Variants in OR8G5 observed in about 807,000 individuals in gnomAD.
The protein encoded by OR8G5 is olfactory receptor 8G5.
For missense variants in OR8G5, 347 were observed against 371.9 expected, an observed-to-expected ratio of 0.93 and a Z score of 0.55; for synonymous variants, 147 against 147.7, an observed-to-expected ratio of 1.00 and a Z score of 0.03.
chr11:124,257,562 G>A (rs1244798960), intron 1 of OR8G5, among the ~76,000 whole-genome samples: 4 of 152,122 alleles, frequency 2.6e-5, no homozygotes, highest in Admixed American at 1.3e-4. Flanking sequence ...GGGTGGAAAT[G>A]CATGGGGACA....
intron 1 of OR8G5, among the ~76,000 whole-genome samples, chr11:124,259,633 G>T (rs1861947992): frequency 1.3e-5 from 2 of 152,006 alleles, no homozygotes; most frequent in Admixed American, 6.6e-5. Context: ...TTATAATCAT[G>T]TTTACATTTT....
In OR8G5 at chr11:124,265,301, G is replaced by T; in HGVS notation, c.370G>T (p.Val124Leu). The T allele has an allele frequency of 6.2e-7, 1 of 1,613,976 alleles. No homozygotes were observed. The highest frequency in any genetic ancestry group is 8.5e-7 in the Non-Finnish European group (1 of 1,179,886). ...MLAAMAYDGY[V>L]AICSPLLYSI... ...GGCTGCAATGGCATATGACGGCTAC[G>T]TGGCCATCTGTAGCCCCTTGCTGTA... The change falls in exon 2 of 2, where the codon GTG becomes TTG. Residue 124 changes from valine to leucine, a missense_variant. Coordinates refer to ENST00000641992, the MANE Select transcript of OR8G5 (RefSeq NM_001005198.2).
In OR8G5 at chr11:124,265,586, ATCT is replaced by A. The variant is rs1862020888; in HGVS notation, c.658_660del (p.Phe220del). 2 of 1,613,856 alleles carry A rather than the reference ATCT, an allele frequency of 1.2e-6. No individual in the cohort carries two copies. The highest frequency in any genetic ancestry group is 8.5e-7 in the Non-Finnish European group (1 of 1,179,842). On this transcript the variant is annotated inframe_deletion, in exon 2 of 2. Transcript: ENST00000641992. ...CAGCCTGACCATCCTCAGCTCTTAC[ATCT>A]TCATCATTGCCAGCATCCTCCGCAT... is the stretch of plus-strand genomic sequence containing the variant.
At chr11:124,257,096 A>G (rs1329229638) in intron 1 of OR8G5, among the ~76,000 whole-genome samples, 1 of 152,240 alleles carries the variant, frequency 6.6e-6, no homozygotes, top group African/African-American at 2.4e-5. Context: ...CAGGAACTGA[A>G]TGAAGCCAAA....
At position 124,265,553 on chromosome 11, in the gene OR8G5, C is replaced by G; in HGVS notation, c.622C>G (p.Leu208Val). 6.2e-7 allele frequency: 1 copy of G among 1,613,892 alleles called. No individual in the cohort carries two copies. ...LILIFSGINI[L>V]VPSLTILSSY... ...TTTAATCTTTAGTGGAATTAACATC[C>G]TTGTCCCCAGCCTGACCATCCTCAG... Residue 208 changes from leucine (L) to valine (V), a missense_variant, in exon 2 of 2, where the codon CTT becomes GTT. Coordinates refer to ENST00000641992, the MANE Select transcript of OR8G5 (RefSeq NM_001005198.2).
At chr11:124,263,812 T>C (rs1044111400) in intron 1 of OR8G5, among the ~76,000 whole-genome samples, 3 of 152,158 alleles carry the variant, frequency 2.0e-5, no homozygotes, top group African/African-American at 4.8e-5. Context: ...TTTTCTAAAT[T>C]TTGTATTTTT....
rs571144712 is a variant in OR8G5, at chr11:124,262,364, T to C, written c.-14-2554T>C. Among the ~76,000 whole-genome samples, 3 of 150,606 alleles carry C rather than the reference T, an allele frequency of 2.0e-5. No homozygotes were observed. In the South Asian group the frequency reaches 6.4e-4, roughly 32 times the overall value. On this transcript the variant is annotated intron_variant, in intron 1 of 1. Coordinates refer to ENST00000641992, the MANE Select transcript of OR8G5 (RefSeq NM_001005198.2). ...GTTAATTATTATGAAAAACATAATG[T>C]AAAATGTTTCATAATTTGTAAAGTA...
rs1410474225 is a variant in OR8G5 at position 124,265,040 on chromosome 11, G to A, written c.109G>A (p.Val37Ile). 3 of 1,614,086 alleles carry A rather than the reference G, an allele frequency of 1.9e-6. No homozygotes were observed. Among genetic ancestry groups the A allele is most frequent in the East Asian group, 4.5e-5 (2 of 44,870 alleles). Residue 37 changes from valine to isoleucine, a missense_variant, in exon 2 of 2, where the codon GTC (valine) becomes ATC (isoleucine). Coordinates refer to ENST00000641992, the MANE Select transcript of OR8G5 (RefSeq NM_001005198.2). ...LFLVFLGIYV[V>I]TVLGNLGMIT... ...CCTCGTCTTCCTGGGAATCTATGTAGTCACAGTGCTGGGGAACCTGGGCAT... is the reference window on the plus strand; with the variant it reads ...CCTCGTCTTCCTGGGAATCTATGTAATCACAGTGCTGGGGAACCTGGGCAT...
intron 1 of OR8G5, among the ~76,000 whole-genome samples, chr11:124,262,595 G>A (rs1861982459): frequency 6.6e-6 from 1 of 151,818 alleles, no homozygotes; most frequent in African/African-American, 2.4e-5. Flanking sequence ...ATGTTTTTGA[G>A]ATCCATGTTA....
At chr11:124,258,552 G>A (rs1861934043) in intron 1 of OR8G5, among the ~76,000 whole-genome samples, 1 of 151,638 alleles carries the variant, frequency 6.6e-6, no homozygotes, top group Non-Finnish European at 1.5e-5. Flanking sequence ...GAGCGAGCGA[G>A]ACTCCATCTC....
chr11:124,258,590 T>A (rs4935874), intron 1 of OR8G5, among the ~76,000 whole-genome samples: 55,688 of 150,094 alleles, frequency 0.37, 10,469 homozygotes, highest in East Asian at 0.47. Flanking sequence ...ATAATAATAA[T>A]AAAAAAGACA....
At chr11:124,264,594 T>C (rs1351076915) in intron 1 of OR8G5, among the ~76,000 whole-genome samples, 2 of 152,210 alleles carry the variant, frequency 1.3e-5, no homozygotes, top group Non-Finnish European at 2.9e-5. Flanking sequence ...CACTCAGCCA[T>C]TTTTACTTAT....
rs557257231 is a variant in OR8G5, at chr11:124,262,921, C to A, written c.-14-1997C>A. Among the ~76,000 whole-genome samples the A allele has an allele frequency of 6.6e-5, 10 of 152,232 alleles. No individual in the cohort carries two copies. The South Asian group carries it at 1.9e-3, about 28-fold the overall frequency. On this transcript the variant is annotated intron_variant, in intron 1 of 1. Coordinates refer to ENST00000641992, the MANE Select transcript of OR8G5 (RefSeq NM_001005198.2). Reference sequence around the variant, plus strand: ...CAAACTCTTTTCCAAAACAGTTGAACAATTTCACACTCCCTGCCAGCTTTG... The same window carrying A: ...CAAACTCTTTTCCAAAACAGTTGAAAAATTTCACACTCCCTGCCAGCTTTG...
rs1381000252 is a variant in OR8G5, at chr11:124,256,456, G to A, written c.-193G>A. The A allele has an allele frequency of 1.3e-5, 2 of 152,188 alleles. No homozygotes were observed. Among genetic ancestry groups the A allele is most frequent in the African/African-American group, 2.4e-5 (1 of 41,440 alleles). The allele number at this position is 152,188 out of a possible 1,614,324, so 9.4% of individuals were successfully genotyped here. On this transcript the variant is annotated 5_prime_UTR_variant, in exon 1 of 2. Transcript: ENST00000641992. ...GTGACAACTGGAGATGCTGATCAGC[G>A]GTGCAGATTGATTTCAAAAGTGAGT...
intron 1 of OR8G5, among the ~76,000 whole-genome samples, chr11:124,263,169 T>A (rs1443476898): frequency 6.6e-6 from 1 of 152,170 alleles, no homozygotes; most frequent in Non-Finnish European, 1.5e-5. Context: ...AATATTTGGT[T>A]GTCTGTGTAC....
At position 124,265,164 on chromosome 11, in the gene OR8G5, C is replaced by T; in HGVS notation, c.233C>T (p.Thr78Ile). The change falls in exon 2 of 2, where the codon ACC becomes ATC. Residue 78 changes from threonine (T) to isoleucine (I), a missense_variant. Physicochemically the swap from Thr to Ile is moderately conservative, Grantham distance 89. Coordinates refer to ENST00000641992, the MANE Select transcript of OR8G5 (RefSeq NM_001005198.2). Reference sequence around the variant, plus strand: ...GACTTCTGCCATTCCACTGTCATTACCCCTAAGATGCTGGTGAACTTTGTG... The same window carrying T: ...GACTTCTGCCATTCCACTGTCATTATCCCTAAGATGCTGGTGAACTTTGTG... ...FIDFCHSTVI[T>I]PKMLVNFVTE... The T allele has an allele frequency of 6.2e-7, 1 of 1,614,106 alleles. No individual in the cohort carries two copies. The highest frequency in any genetic ancestry group is 8.5e-7 in the Non-Finnish European group (1 of 1,179,976).
chr11:124,265,249 T>C lies in OR8G5; in HGVS notation c.318T>C (p.Val106=). The change falls in exon 2 of 2, where the codon GTT becomes GTC. Residue 106 remains valine, a synonymous_variant. Coordinates refer to ENST00000641992, the MANE Select transcript of OR8G5 (RefSeq NM_001005198.2). ...TGACTCAGCTCTACTTCTTCCTCGT[T>C]TTTGCTATTGCAGAGTGTCACATGT... ...ECMTQLYFFL[V]FAIAECHMLA... The C allele has an allele frequency of 1.2e-6, 2 of 1,614,074 alleles. No individual in the cohort carries two copies. Among genetic ancestry groups the C allele is most frequent in the Non-Finnish European group, 1.7e-6 (2 of 1,179,904 alleles).
chr11:124,262,498 A>AG (rs1861981486), intron 1 of OR8G5, among the ~76,000 whole-genome samples: 1 of 42,280 alleles, frequency 2.4e-5, no homozygotes, highest in Non-Finnish European at 7.1e-5. Flanking sequence ...TCTTACACAC[A>AG]AAATCCTGTA....
rs2466699 is a variant in OR8G5, at chr11:124,266,135, A to C, written c.*268A>C. The C allele has an allele frequency of 0.5, 180,111 of 362,134 alleles. 46,553 individuals are homozygous for C. The highest frequency in any genetic ancestry group is 0.57 in the East Asian group (10,843 of 19,042). The allele number at this position is 362,134 out of a possible 1,614,324, so 22.4% of individuals were successfully genotyped here. On this transcript the variant is annotated 3_prime_UTR_variant, in exon 2 of 2. Coordinates refer to ENST00000641992, the MANE Select transcript of OR8G5 (RefSeq NM_001005198.2). ...GTGGCATAACCTGATAATGCCAGTT[A>C]CATTCCCTTCCCCCTTTTCTTTCAT...
Sources: gnomAD v4.1 joint callset for allele counts (sites outside exome capture counted in the v4.1 genomes callset) on GRCh38, gnomAD v4.1.1 for gene constraint, MANE v1.5 for transcripts, NCBI Gene and HGNC (gene_info 2026-07-23, HGNC 2026-07-21) for gene names.